The following ERC1 variants were observed in gnomAD, a reference collection of about 807,000 sequenced individuals.
ERC1 encodes RAB6 interacting protein 2.
A neutral mutation model predicts 132.0 loss-of-function variants in ERC1; 56 were observed. The observed-to-expected ratio is 0.42, with a 90% confidence interval of 0.34 to 0.53. The LOEUF (loss-of-function observed/expected upper bound fraction) is 0.53, where lower values mean the gene tolerates loss of function less well. ERC1 is among the 20% of genes least tolerant of loss of function. The probability of loss-of-function intolerance (pLI) is 0.03; values close to 1 mark genes in which losing one functional copy is unlikely to be tolerated. For synonymous variants in ERC1, 478 were observed against 476.1 expected, an observed-to-expected ratio of 1.00 and a Z score of -0.05; for missense variants, 1,202 against 1,349.9, an observed-to-expected ratio of 0.89 and a Z score of 1.72.
At chr12:1,349,630 C>T (rs1003850757) in intron 15 of ERC1, among the ~76,000 whole-genome samples, 3 of 148,860 alleles carry the variant, frequency 2.0e-5, no homozygotes, top group Non-Finnish European at 4.4e-5. Context: ...TGCCACTGCA[C>T]TCCAACCTGG....
intron 18 of ERC1, among the ~76,000 whole-genome samples, chr12:1,450,515 A>G (rs2093402966): frequency 6.6e-6 from 1 of 152,226 alleles, no homozygotes; most frequent in South Asian, 2.1e-4. Context: ...ACTGTTTTAT[A>G]TACCACATTT....
intron 15 of ERC1, among the ~76,000 whole-genome samples, chr12:1,321,593 TGAA>T (rs1456262799): frequency 6.6e-6 from 1 of 152,210 alleles, no homozygotes; most frequent in Non-Finnish European, 1.5e-5. Context: ...CTCTTCCTGA[TGAA>T]TGTTCTCTTT....
chr12:1,408,419 T>G (rs1321074072), intron 17 of ERC1, among the ~76,000 whole-genome samples, 172 bp downstream of exon 17: 1 of 124,634 alleles, frequency 8.0e-6, no homozygotes, highest in Non-Finnish European at 1.6e-5. Flanking sequence ...TCAGTTTCTT[T>G]ATAGGAAGAA....
At position 1,185,189 on chromosome 12, in the gene ERC1, A is replaced by T. The variant is rs193209364; in HGVS notation, c.2157+1768A>T. ...CTCCCAAAGTGCTGGGATTACAGGC[A>T]TGAGCCACCACACCTGGCCTTTTGT... On this transcript the variant is annotated intron_variant, in intron 11 of 18. Transcript: ENST00000360905. Among the ~76,000 whole-genome samples the T allele has an allele frequency of 2.1e-3, 316 of 151,242 alleles. 1 individual carries two copies. Among genetic ancestry groups the T allele is most frequent in the Middle Eastern group, 3.4e-3 (1 of 292 alleles).
intron 14 of ERC1, among the ~76,000 whole-genome samples, chr12:1,281,262 CA>C (rs1427128519): frequency 6.6e-6 from 1 of 151,886 alleles, no homozygotes; most frequent in Non-Finnish European, 1.5e-5. Flanking sequence ...AATTTCTTTC[CA>C]AAACCTGGAC....
chr12:1,051,401 G>A (rs1378637567), intron 2 of ERC1, among the ~76,000 whole-genome samples: 4 of 151,878 alleles, frequency 2.6e-5, no homozygotes, highest in African/African-American at 9.7e-5. Flanking sequence ...TAGAAATAAA[G>A]AAGACTGGCT....
intron 13 of ERC1, among the ~76,000 whole-genome samples, chr12:1,239,596 C>T (rs192680498): frequency 8.1e-4 from 123 of 152,206 alleles, no homozygotes; most frequent in Admixed American, 1.4e-3. Context: ...TGTACACGTA[C>T]GGTCCCAGCT....
intron 14 of ERC1, among the ~76,000 whole-genome samples, chr12:1,277,401 T>G (rs2078347834): frequency 6.6e-6 from 1 of 152,206 alleles, no homozygotes; most frequent in Non-Finnish European, 1.5e-5. Context: ...GACATTAGGT[T>G]TTTCAAGATT....
intron 12 of ERC1, among the ~76,000 whole-genome samples, chr12:1,211,950 T>TAA (rs1269581856): frequency 6.6e-6 from 1 of 152,028 alleles, no homozygotes; most frequent in South Asian, 2.1e-4. Flanking sequence ...CAATTAAATA[T>TAA]AAACCATAGT....
At chr12:1,205,645 A>C (rs1199019393) in intron 12 of ERC1, among the ~76,000 whole-genome samples, 1 of 152,112 alleles carries the variant, frequency 6.6e-6, no homozygotes, top group Admixed American at 6.5e-5. Flanking sequence ...TGCATTTAAA[A>C]AATAGATTTT....
chr12:1,493,829 G>C lies in ERC1; in HGVS notation c.*3599G>C, dbSNP rs1304934477. The C allele has an allele frequency of 4.4e-6, 1 of 225,518 alleles. No individual in the cohort carries two copies. 14.0% of individuals were successfully genotyped at this position (225,518 alleles called of 1,614,324 possible). On this transcript the variant is annotated 3_prime_UTR_variant, in exon 19 of 19. Coordinates refer to ENST00000360905, the MANE Select transcript of ERC1 (RefSeq NM_178040.4). ...GGGCTCACCCACCCCCAGAGTGAGA[G>C]AAGAGGAAGGCGAAGTCATCACAGA... is the stretch of plus-strand genomic sequence containing the variant.
chr12:1,436,715 A>G (rs2092959774), intron 17 of ERC1, among the ~76,000 whole-genome samples: 1 of 152,164 alleles, frequency 6.6e-6, no homozygotes, highest in African/African-American at 2.4e-5. Context: ...TGAGTTATCA[A>G]TTTCAATGTT....
intron 1 of ERC1, among the ~76,000 whole-genome samples, chr12:1,020,481 A>C (rs1368754029): frequency 6.6e-6 from 1 of 152,054 alleles, no homozygotes; most frequent in Admixed American, 6.6e-5. Context: ...AAAAGAAACA[A>C]ACATCTCAGA....
intron 14 of ERC1, among the ~76,000 whole-genome samples, chr12:1,269,323 C>T (rs2077668331): frequency 6.6e-6 from 1 of 152,146 alleles, no homozygotes; most frequent in Non-Finnish European, 1.5e-5. Context: ...CAGAGAGGGT[C>T]CTCTGTGAAA....
At chr12:1,104,159 A>G (rs1015303447) in intron 3 of ERC1, among the ~76,000 whole-genome samples, 2 of 150,952 alleles carry the variant, frequency 1.3e-5, no homozygotes, top group South Asian at 2.1e-4. Context: ...TTTTTCTGAC[A>G]TTTTCTGAAC....
At chr12:1,397,869 G>A (rs2090669926) in intron 16 of ERC1, among the ~76,000 whole-genome samples, 1 of 151,734 alleles carries the variant, frequency 6.6e-6, no homozygotes, top group Non-Finnish European at 1.5e-5. Flanking sequence ...AGAAACAAAT[G>A]AATCTAATTA....
intron 12 of ERC1, among the ~76,000 whole-genome samples, chr12:1,224,448 G>A (rs74059703): frequency 0.042 from 6,390 of 152,064 alleles, 462 homozygotes; most frequent in African/African-American, 0.14. Context: ...ACTAAAGATA[G>A]GAGATTTAAA....
Position 1,255,621 on chromosome 12 carries a change from CTTTTTTTTTTTTTTT to C in ERC1, c.2488-7398_2488-7384del, listed in dbSNP as rs757949030. Among the ~76,000 whole-genome samples the C allele has an allele frequency of 4.9e-5, 3 of 61,558 alleles. 1 individual carries two copies. Among genetic ancestry groups the C allele is most frequent in the Non-Finnish European group, 6.6e-5 (2 of 30,484 alleles). 40.4% of individuals were successfully genotyped at this position (61,558 alleles called of 152,430 possible). ...TCTTCAGCATCTGTTGCTTCCTGGC[CTTTTTTTTTTTTTTT>C]TTTTTTTTTTTTTTGAGACGGAGTC... On this transcript the variant is annotated intron_variant, in intron 13 of 18. Transcript: ENST00000360905.
At chr12:1,193,929 AGTCATCAT>A (rs1249431794) in intron 12 of ERC1, among the ~76,000 whole-genome samples, 1 of 152,226 alleles carries the variant, frequency 6.6e-6, no homozygotes, top group Non-Finnish European at 1.5e-5. Flanking sequence ...ATTTCAAAAA[AGTCATCAT>A]CTGATGGTTC....
Sources: allele counts gnomAD v4.1 joint callset (sites outside exome capture counted in the v4.1 genomes callset), GRCh38; gene constraint gnomAD v4.1.1; transcripts MANE v1.5; gene names NCBI Gene and HGNC (gene_info 2026-07-23, HGNC 2026-07-21).